ADAP1: variants seen among roughly 807,000 people sequenced by gnomAD.
The protein encoded by ADAP1 is ArfGAP with dual PH domains 1.
In ADAP1, 31 loss-of-function variants were observed where a neutral mutation model predicts 54.9. The observed-to-expected ratio is 0.56, with a 90% CI of 0.42 to 0.76. ADAP1 has a LOEUF of 0.76. ADAP1 is among the 30% of genes least tolerant of loss of function. ADAP1 has a pLI of 0.00. For synonymous variants in ADAP1, 313 were observed against 202.6 expected, an observed-to-expected ratio of 1.55 and a Z score of -4.63; for missense variants, 535 against 512.4, an observed-to-expected ratio of 1.04 and a Z score of -0.42.
chr7:941,999 T>C (rs1050065849), intron 1 of ADAP1, among the ~76,000 whole-genome samples: 7 of 152,228 alleles, frequency 4.6e-5, no homozygotes, highest in African/African-American at 1.7e-4. Context: ...CCCACACATA[T>C]GTGGACAACT....
chr7:919,913 G>GGAAAGAGATGGGGGAGGGAGA, intron 4 of ADAP1, 55 bp downstream of exon 4: 7 of 1,423,906 alleles, frequency 4.9e-6, no homozygotes, highest in Non-Finnish European at 5.8e-6. Flanking sequence ...GGGGAGGGAG[G>GGAAAGAGATGGGGGAGGGAGA]GAGAGAGCCA....
chr7:905,259 TGG>T, intron 4 of ADAP1, 87 bp from the exon 5 acceptor site: 1 of 620,006 alleles, frequency 1.6e-6, no homozygotes, highest in Non-Finnish European at 2.4e-6. Flanking sequence ...AGAGGGGACA[TGG>T]GGAGAAGACA....
chr7:909,248 C>T (rs1238718463), intron 4 of ADAP1, among the ~76,000 whole-genome samples: 117 of 42,392 alleles, frequency 2.8e-3, no homozygotes, highest in East Asian at 4.4e-3. Context: ...CAGGCGCCAG[C>T]GGGAACCCCG....
At chr7:909,132 ACAGCAGGCGCCAGCGGGAACCCCGGT>A (rs1270401042) in intron 4 of ADAP1, among the ~76,000 whole-genome samples, 7 of 142,974 alleles carry the variant, frequency 4.9e-5, no homozygotes, top group Non-Finnish European at 7.7e-5. Flanking sequence ...GGTCCTCCCG[ACAGCAGGCGCCAGCGGGAACCCCGGT>A]CCTCCCGACA....
In ADAP1 at chr7:923,737, C is replaced by A. The variant is rs1033590361; in HGVS notation, c.305+2816G>T. 2.0e-5 allele frequency among the ~76,000 whole-genome samples: 3 copies of A among 152,264 alleles called. No homozygotes were observed. In the South Asian group the frequency reaches 6.2e-4, roughly 32 times the overall value. ...CATGGCGTGGGGGGCCTTCCAGGAC[C>A]CTGCTCCGGACGCTGCCCGCCACTC... is the stretch of plus-strand genomic sequence containing the variant. On this transcript the variant is annotated intron_variant, in intron 3 of 10. Transcript: ENST00000265846.
intron 6 of ADAP1, among the ~76,000 whole-genome samples, chr7:902,475 A>AATGCCTGGGCGTGGTGGTGC (rs1491159593): frequency 2.1e-5 from 3 of 142,262 alleles, no homozygotes; most frequent in African/African-American, 2.7e-5. Flanking sequence ...AAAAAAAGAA[A>AATGCCTGGGCGTGGTGGTGC]GAAAAGAAAG....
chr7:899,921 A>C (rs1844703535), intron 8 of ADAP1, among the ~76,000 whole-genome samples, 181 bp downstream of exon 8: 1 of 152,192 alleles, frequency 6.6e-6, no homozygotes, highest in South Asian at 2.1e-4. Context: ...GGTCTAACCA[A>C]AGCCTAGGAC....
intron 4 of ADAP1, among the ~76,000 whole-genome samples, chr7:906,678 CAGGGGACACG>C (rs1845412668): frequency 1.4e-5 from 1 of 69,878 alleles, no homozygotes; most frequent in East Asian, 9.7e-4. Context: ...GGGACATGGA[CAGGGGACACG>C]GGGGACATGG....
At chr7:940,872 CAT>C (rs144815303) in intron 1 of ADAP1, among the ~76,000 whole-genome samples, 7,305 of 152,144 alleles carry the variant, frequency 0.048, 338 homozygotes, top group East Asian at 0.24. Flanking sequence ...AAAGAAAAAA[CAT>C]ACAATTGTTT....
chr7:903,886 G>A (rs1844949700), intron 6 of ADAP1: 4 of 486,640 alleles, frequency 8.2e-6, no homozygotes, highest in East Asian at 4.3e-5. Flanking sequence ...GGGCAGCCCG[G>A]CCCTGGGAAG....
chr7:914,976 C>T (rs1177945016), intron 4 of ADAP1, among the ~76,000 whole-genome samples: 1 of 151,646 alleles, frequency 6.6e-6, no homozygotes, highest in Non-Finnish European at 1.5e-5. Context: ...GACTCAGCAC[C>T]TCTGGGTCCC....
intron 6 of ADAP1, among the ~76,000 whole-genome samples, chr7:901,809 G>A (rs1301414216): frequency 1.3e-4 from 3 of 23,682 alleles, no homozygotes; most frequent in African/African-American, 1.7e-4. Context: ...ATTTGGCCCC[G>A]CCCTCCCTCC....
chr7:947,897 C>G, intron 1 of ADAP1, among the ~76,000 whole-genome samples: 1 of 151,468 alleles, frequency 6.6e-6, no homozygotes, highest in Non-Finnish European at 1.5e-5. Flanking sequence ...CCTCTGACCC[C>G]GTCTCCCCGC....
chr7:935,628 G>A (rs1846728813), intron 1 of ADAP1, 123 bp from the exon 2 acceptor site: 2 of 1,287,884 alleles, frequency 1.6e-6, no homozygotes, highest in Non-Finnish European at 2.1e-6. Context: ...GAGACCCCCG[G>A]GTACACCAGG....
chr7:925,551 G>T (rs765090308), intron 3 of ADAP1, among the ~76,000 whole-genome samples: 1 of 151,858 alleles, frequency 6.6e-6, no homozygotes, highest in Non-Finnish European at 1.5e-5. Flanking sequence ...CCTTCATGGA[G>T]CTCACTGCAG....
At chr7:903,522 G>C (rs1844925768) in intron 6 of ADAP1, among the ~76,000 whole-genome samples, 1 of 152,164 alleles carries the variant, frequency 6.6e-6, no homozygotes, top group Admixed American at 6.5e-5. Flanking sequence ...GATAAACATA[G>C]AAACAAGAAC....
intron 3 of ADAP1, chr7:923,424 C>A (rs1472359336): frequency 6.6e-6 from 1 of 151,824 alleles, no homozygotes; most frequent in Non-Finnish European, 1.5e-5. Context: ...CGGTTTCCAC[C>A]CAGAAGTAAA....
intron 6 of ADAP1, among the ~76,000 whole-genome samples, chr7:902,640 G>C (rs1263051908): frequency 6.6e-6 from 1 of 151,512 alleles, no homozygotes; most frequent in African/African-American, 2.4e-5. Flanking sequence ...ACCAATAACA[G>C]GAGTTTCAGA....
At chr7:908,623 G>A (rs766821120) in intron 4 of ADAP1, among the ~76,000 whole-genome samples, 1 of 152,246 alleles carries the variant, frequency 6.6e-6, no homozygotes, top group Non-Finnish European at 1.5e-5. Flanking sequence ...TGTTGACTCA[G>A]TGAGCCCCTG....
Sources: gnomAD v4.1 joint callset for allele counts (sites outside exome capture counted in the v4.1 genomes callset) on GRCh38, gnomAD v4.1.1 for gene constraint, MANE v1.5 for transcripts, NCBI Gene and HGNC (gene_info 2026-07-23, HGNC 2026-07-21) for gene names.